The following OPCML variants were observed in gnomAD, a reference collection of about 807,000 sequenced individuals.
The protein encoded by OPCML is opioid-binding protein/cell adhesion molecule.
In OPCML, 13 loss-of-function variants were observed where a neutral mutation model predicts 37.8. The observed-to-expected ratio is 0.34, with a 90% CI of 0.22 to 0.55. The LOEUF (loss-of-function observed/expected upper bound fraction) is 0.55, where lower values mean the gene tolerates loss of function less well. Among genes scored for constraint, OPCML ranks in the 20% least tolerant of loss-of-function variants. OPCML has a pLI of 0.91. For synonymous variants in OPCML, 176 were observed against 168.8 expected, an observed-to-expected ratio of 1.04 and a Z score of -0.33; for missense variants, 341 against 435.6, an observed-to-expected ratio of 0.78 and a Z score of 1.93.
chr11:132,464,923 T>C (rs2096114914), intron 4 of OPCML, among the ~76,000 whole-genome samples: 1 of 152,224 alleles, frequency 6.6e-6, no homozygotes, highest in African/African-American at 2.4e-5. Flanking sequence ...TAGCAATTAA[T>C]GCTACATCTT....
rs557083343 is a variant in OPCML, at chr11:133,522,462, T to C, written c.61+9802A>G. Among the ~76,000 whole-genome samples, 10 of 152,364 alleles carry C rather than the reference T, an allele frequency of 6.6e-5. No individual in the cohort carries two copies. In the East Asian group the frequency reaches 1.9e-3, roughly 29 times the overall value. ...GTCATTCGAAGTATGCAAATGCCAC[T>C]GAAGGAGACAGGGCTTCTGTTTGTT... On this transcript the variant is annotated intron_variant, in intron 1 of 7. Transcript: ENST00000524381.
chr11:132,935,571 T>A (rs759463380), intron 2 of OPCML, among the ~76,000 whole-genome samples: 1 of 152,216 alleles, frequency 6.6e-6, no homozygotes, highest in Non-Finnish European at 1.5e-5. Flanking sequence ...TTTCTAAAAA[T>A]TGTATTGATC....
chr11:132,798,890 A>T (rs1938483516), intron 2 of OPCML, among the ~76,000 whole-genome samples: 1 of 152,212 alleles, frequency 6.6e-6, no homozygotes, highest in South Asian at 2.1e-4. Flanking sequence ...TGATAATTTG[A>T]AGTGAATCTT....
chr11:133,422,137 G>T (rs1440930474), intron 1 of OPCML: 1 of 984,016 alleles, frequency 1.0e-6, no homozygotes, highest in South Asian at 4.7e-5. Context: ...CCCCTGGCAG[G>T]CCCCGATGTG....
intron 1 of OPCML, among the ~76,000 whole-genome samples, chr11:133,262,669 T>G (rs1302550777): frequency 6.6e-6 from 1 of 152,184 alleles, no homozygotes; most frequent in Admixed American, 6.5e-5. Flanking sequence ...AGCCCTCTCG[T>G]GTGGCTTCCT....
At chr11:133,445,508 T>A (rs964694121) in intron 1 of OPCML, among the ~76,000 whole-genome samples, 1 of 152,194 alleles carries the variant, frequency 6.6e-6, no homozygotes, top group Admixed American at 6.5e-5. Flanking sequence ...AGGCAACGTG[T>A]TTCCTGGACT....
chr11:132,435,924 G>A (rs999078695), intron 7 of OPCML, among the ~76,000 whole-genome samples, 162 bp downstream of exon 7: 1 of 152,148 alleles, frequency 6.6e-6, no homozygotes, highest in Non-Finnish European at 1.5e-5. Context: ...TCTCTGCATG[G>A]CATGCTAGGG....
chr11:133,502,868 A>G (rs1325824108), intron 1 of OPCML, among the ~76,000 whole-genome samples: 2 of 152,172 alleles, frequency 1.3e-5, no homozygotes, highest in African/African-American at 4.8e-5. Flanking sequence ...GGCCTTCTGG[A>G]TGGGACTGAG....
intron 2 of OPCML, among the ~76,000 whole-genome samples, chr11:132,822,450 A>G (rs1316364924): frequency 6.6e-6 from 1 of 152,180 alleles, no homozygotes; most frequent in East Asian, 1.9e-4. Context: ...ATGGATTACA[A>G]GGAGAAATAT....
chr11:132,686,535 G>A (rs539642142), intron 2 of OPCML, among the ~76,000 whole-genome samples: 132 of 152,166 alleles, frequency 8.7e-4, no homozygotes, highest in Non-Finnish European at 1.7e-3. Context: ...CCAAAACATC[G>A]TGCCTCTTAT....
intron 2 of OPCML, among the ~76,000 whole-genome samples, chr11:132,778,526 A>G (rs1946884168): frequency 6.6e-6 from 1 of 152,260 alleles, no homozygotes; most frequent in Non-Finnish European, 1.5e-5. Context: ...TTATTTGTAC[A>G]GCAAGTAAAA....
intron 3 of OPCML, among the ~76,000 whole-genome samples, chr11:132,570,792 T>TGGG (rs2096436067): frequency 1.8e-5 from 2 of 109,336 alleles, no homozygotes; most frequent in Non-Finnish European, 3.7e-5. Context: ...TATATATATA[T>TGGG]ATATATATAT....
At chr11:132,984,973 T>C (rs1052616880) in intron 1 of OPCML, among the ~76,000 whole-genome samples, 1 of 151,968 alleles carries the variant, frequency 6.6e-6, no homozygotes, top group Admixed American at 6.6e-5. Context: ...TGTTCCCCCG[T>C]AGAACACCTG....
chr11:132,850,462 A>G (rs1941755494), intron 2 of OPCML, among the ~76,000 whole-genome samples: 1 of 152,160 alleles, frequency 6.6e-6, no homozygotes. Context: ...AGGGCCAGAC[A>G]GGGTGTTGGA....
chr11:133,452,070 G>T (rs995292373), intron 1 of OPCML, among the ~76,000 whole-genome samples: 1 of 151,442 alleles, frequency 6.6e-6, no homozygotes, highest in African/African-American at 2.4e-5. Flanking sequence ...CCAAAGTTTT[G>T]TACCAATGTC....
At chr11:132,687,075 T>G (rs1943190982) in intron 2 of OPCML, among the ~76,000 whole-genome samples, 1 of 152,008 alleles carries the variant, frequency 6.6e-6, no homozygotes, top group East Asian at 1.9e-4. Context: ...TAGTTCTATT[T>G]TAAATAAGAT....
At chr11:133,516,327 G>A (rs181961519) in intron 1 of OPCML, among the ~76,000 whole-genome samples, 318 of 152,242 alleles carry the variant, frequency 2.1e-3, no homozygotes, top group African/African-American at 7.2e-3. Context: ...CTGAGAGAAC[G>A]CGACCTTGGA....
At chr11:132,985,461 T>C (rs898425684) in intron 1 of OPCML, among the ~76,000 whole-genome samples, 2 of 152,152 alleles carry the variant, frequency 1.3e-5, no homozygotes, top group Admixed American at 1.3e-4. Flanking sequence ...AACCCTCCAT[T>C]GGCATATCAC....
intron 1 of OPCML, among the ~76,000 whole-genome samples, chr11:133,405,290 C>G (rs557424264): frequency 6.6e-6 from 1 of 152,188 alleles, no homozygotes; most frequent in Non-Finnish European, 1.5e-5. Flanking sequence ...GACAGGGCGT[C>G]TGGGCTGAAT....
Sources: allele counts gnomAD v4.1 joint callset (sites outside exome capture counted in the v4.1 genomes callset), GRCh38; gene constraint gnomAD v4.1.1; transcripts MANE v1.5; gene names NCBI Gene and HGNC (gene_info 2026-07-23, HGNC 2026-07-21).